The following MACROD2 variants were observed in gnomAD, a reference collection of about 807,000 sequenced individuals.
MACROD2 encodes the protein ADP-ribose glycohydrolase MACROD2.
A neutral mutation model predicts 70.4 loss-of-function variants in MACROD2; 36 were observed. That is an observed-to-expected ratio of 0.51 (90% CI 0.39 to 0.68). The LOEUF (loss-of-function observed/expected upper bound fraction) is 0.68, where lower values mean the gene tolerates loss of function less well. Among genes scored for constraint, MACROD2 ranks in the 30% least tolerant of loss-of-function variants. The pLI is 0.00. For missense variants in MACROD2, 496 were observed against 538.4 expected, an observed-to-expected ratio of 0.92 and a Z score of 0.78; for synonymous variants, 172 against 178.8, an observed-to-expected ratio of 0.96 and a Z score of 0.30.
Position 15,456,298 on chromosome 20 carries a change from TC to T in MACROD2, c.571+24865del, listed in dbSNP as rs140967864. The stretch of plus-strand genomic sequence containing the variant: ...TCCTCTGGGCCTTTGCATACACAGT[TC>T]CTTCCCCTGGGAGAATCTTTCTGCA... On this transcript the variant is annotated intron_variant, in intron 7 of 17. Coordinates refer to ENST00000684519, the MANE Select transcript of MACROD2 (RefSeq NM_001351661.2). Among the ~76,000 whole-genome samples the T allele has an allele frequency of 4.9e-3, 742 of 152,262 alleles. 5 individuals are homozygous for T. Among genetic ancestry groups the T allele is most frequent in the African/African-American group, 0.016 (672 of 41,554 alleles).
intron 6 of MACROD2, among the ~76,000 whole-genome samples, chr20:15,251,385 A>T (rs1284654617): frequency 6.6e-6 from 1 of 152,156 alleles, no homozygotes; most frequent in Non-Finnish European, 1.5e-5. Context: ...ATAAACATGG[A>T]GTGTATTGTT....
At chr20:15,790,090 A>G (rs1278212982) in intron 8 of MACROD2, among the ~76,000 whole-genome samples, 2 of 152,052 alleles carry the variant, frequency 1.3e-5, no homozygotes, top group African/African-American at 4.8e-5. Flanking sequence ...TTTTTTATAC[A>G]AAGACAATGT....
At chr20:15,877,003 G>A (rs2064684739) in intron 9 of MACROD2, among the ~76,000 whole-genome samples, 5 of 152,110 alleles carry the variant, frequency 3.3e-5, no homozygotes, top group Admixed American at 3.3e-4. Flanking sequence ...AACCATCCTT[G>A]TTGAGGTTAT....
intron 3 of MACROD2, among the ~76,000 whole-genome samples, chr20:14,144,598 C>T (rs542167009): frequency 6.6e-6 from 1 of 152,164 alleles, no homozygotes; most frequent in South Asian, 2.1e-4. Context: ...TATGGTCTAA[C>T]CAGGGAAAGA....
chr20:15,621,273 T>G (rs1380331630), intron 8 of MACROD2, among the ~76,000 whole-genome samples: 2 of 152,184 alleles, frequency 1.3e-5, no homozygotes, highest in Non-Finnish European at 2.9e-5. Context: ...TCCCACCTGT[T>G]TGGAACAACA....
rs145186573 is a variant in MACROD2, at chr20:15,260,670, T to C, written c.540+30609T>C. Among the ~76,000 whole-genome samples the C allele has an allele frequency of 4.7e-4, 72 of 152,040 alleles. 1 individual carries two copies. The highest frequency in any genetic ancestry group is 1.6e-3 in the African/African-American group (68 of 41,540). On this transcript the variant is annotated intron_variant, in intron 6 of 17. Transcript: ENST00000684519. ...GGTCATATGGTAGTTCTGTTTTTAG[T>C]TCTTGAAGGAACCTCCACACTGTTC... is the stretch of plus-strand genomic sequence containing the variant.
At chr20:15,584,930 T>C (rs913454443) in intron 8 of MACROD2, among the ~76,000 whole-genome samples, 1 of 152,250 alleles carries the variant, frequency 6.6e-6, no homozygotes, top group African/African-American at 2.4e-5. Context: ...CAGAAAGGAA[T>C]AGCCATCTTT....
At chr20:15,226,381 A>G (rs1445809876) in intron 5 of MACROD2, among the ~76,000 whole-genome samples, 3 of 152,136 alleles carry the variant, frequency 2.0e-5, no homozygotes, top group Non-Finnish European at 4.4e-5. Context: ...GAGCCTTCCT[A>G]TGTATCAGAC....
intron 15 of MACROD2, among the ~76,000 whole-genome samples, chr20:16,036,782 CCAAA>C (rs1207367209): frequency 3.3e-5 from 5 of 151,986 alleles, no homozygotes; most frequent in South Asian, 2.1e-4. Context: ...CTCCCACTTT[CCAAA>C]CAAACAACTC....
intron 3 of MACROD2, among the ~76,000 whole-genome samples, chr20:14,380,710 G>T (rs1266729368): frequency 6.6e-6 from 1 of 152,014 alleles, no homozygotes; most frequent in African/African-American, 2.4e-5. Context: ...AAATCCCATT[G>T]ACCATAGATG....
At chr20:15,133,684 G>A (rs1172597525) in intron 5 of MACROD2, among the ~76,000 whole-genome samples, 1 of 152,074 alleles carries the variant, frequency 6.6e-6, no homozygotes, top group African/African-American at 2.4e-5. Context: ...AATACTTGGA[G>A]AAGTTCACCA....
At chr20:14,525,895 T>G (rs889474612) in intron 4 of MACROD2, among the ~76,000 whole-genome samples, 5 of 152,190 alleles carry the variant, frequency 3.3e-5, no homozygotes, top group African/African-American at 1.2e-4. Context: ...TTGCAGCCAA[T>G]AGCTATTGGA....
At chr20:14,946,295 T>A (rs1393134831) in intron 5 of MACROD2, among the ~76,000 whole-genome samples, 1 of 152,212 alleles carries the variant, frequency 6.6e-6, no homozygotes, top group Non-Finnish European at 1.5e-5. Context: ...TCAAAGTATG[T>A]TTCTTTAGAA....
chr20:15,644,695 T>C (rs2049513970), intron 8 of MACROD2, among the ~76,000 whole-genome samples: 1 of 152,112 alleles, frequency 6.6e-6, no homozygotes, highest in African/African-American at 2.4e-5. Flanking sequence ...TTAAGTAATT[T>C]TTTATTTTTT....
intron 4 of MACROD2, among the ~76,000 whole-genome samples, chr20:14,548,226 C>T (rs778686301): frequency 1.3e-5 from 2 of 152,062 alleles, no homozygotes; most frequent in Non-Finnish European, 2.9e-5. Flanking sequence ...GCCTTCTTCA[C>T]GTTTTCAGAA....
At chr20:14,513,362 G>A (rs1040696692) in intron 4 of MACROD2, among the ~76,000 whole-genome samples, 1 of 152,036 alleles carries the variant, frequency 6.6e-6, no homozygotes, top group Admixed American at 6.6e-5. Context: ...TTTAAATACT[G>A]TATATAGTAA....
intron 8 of MACROD2, among the ~76,000 whole-genome samples, chr20:15,773,979 A>G (rs968506668): frequency 1.3e-5 from 2 of 152,178 alleles, no homozygotes; most frequent in African/African-American, 2.4e-5. Flanking sequence ...AAGAAAAGCA[A>G]TATTGATATA....
chr20:14,256,712 C>T (rs950035310), intron 3 of MACROD2, among the ~76,000 whole-genome samples: 1 of 152,026 alleles, frequency 6.6e-6, no homozygotes, highest in South Asian at 2.1e-4. Flanking sequence ...ATTTGTTAGG[C>T]CATAAACTTT....
chr20:15,332,716 A>G (rs1431226125), intron 6 of MACROD2, among the ~76,000 whole-genome samples: 1 of 151,630 alleles, frequency 6.6e-6, no homozygotes, highest in Admixed American at 6.6e-5. Context: ...TATCCTTTAT[A>G]GTTGCTTTGA....
Sources: gnomAD v4.1 joint callset for allele counts (sites outside exome capture counted in the v4.1 genomes callset) on GRCh38, gnomAD v4.1.1 for gene constraint, MANE v1.5 for transcripts, NCBI Gene and HGNC (gene_info 2026-07-23, HGNC 2026-07-21) for gene names.